Variants in AGPAT4 observed in about 807,000 individuals in gnomAD.
The protein encoded by AGPAT4 is 1-acyl-sn-glycerol-3-phosphate acyltransferase delta.
In AGPAT4, 15 loss-of-function variants were observed where a neutral mutation model predicts 48.0. That is an observed-to-expected ratio of 0.31 (90% CI 0.21 to 0.48). AGPAT4 has a LOEUF of 0.48. AGPAT4 is among the 20% of genes least tolerant of loss of function. The pLI, the probability that AGPAT4 is intolerant of heterozygous loss-of-function variation, is 0.99. For missense variants in AGPAT4, 314 were observed against 482.5 expected (o/e 0.65, Z 3.27); for synonymous variants, 178 against 198.7 (o/e 0.90, Z 0.88).
At position 161,155,503 on chromosome 6, in the gene AGPAT4, C is replaced by T. The variant is rs1042604404; in HGVS notation, c.349-1193G>A. 2.6e-5 allele frequency among the ~76,000 whole-genome samples: 4 copies of T among 152,118 alleles called. No homozygotes were observed. The highest frequency in any genetic ancestry group is 9.7e-5 in the African/African-American group (4 of 41,416). On this transcript the variant is annotated intron_variant, in intron 3 of 8. Coordinates refer to ENST00000320285, the MANE Select transcript of AGPAT4 (RefSeq NM_020133.3). The surrounding 1 kb of genome is among the most constrained non-coding windows in gnomAD (Gnocchi z 5.8). ...CAGCACAGGGTCAGTAAGCCGTGTC[C>T]CCCAACCTACTGGCAGAACAGAAAA...
rs1425655979 is a variant in AGPAT4, at chr6:161,189,900, C to A, written c.179-23483G>T. Among the ~76,000 whole-genome samples the A allele has an allele frequency of 6.6e-6, 1 of 152,238 alleles. No homozygotes were observed. Among genetic ancestry groups the A allele is most frequent in the Non-Finnish European group, 1.5e-5 (1 of 68,046 alleles). ...AATGCTCCGTTGGTTCACATTTTAA[C>A]ATGCTGAAATCAGGGTGTGTCTCAC... On this transcript the variant is annotated intron_variant, in intron 2 of 8. Transcript: ENST00000320285. The surrounding 1 kb of genome is among the most constrained non-coding windows in gnomAD (Gnocchi z 5.3).
intron 2 of AGPAT4, among the ~76,000 whole-genome samples, chr6:161,224,678 C>T (rs1025823414): frequency 2.0e-5 from 3 of 150,634 alleles, no homozygotes; most frequent in Non-Finnish European, 4.4e-5. Context: ...AACCAGACTG[C>T]AAGCTCTCTG....
rs1457928621 is a variant in AGPAT4 at position 161,221,343 on chromosome 6, G to A, written c.178+10693C>T. Among the ~76,000 whole-genome samples the A allele has an allele frequency of 3.9e-5, 6 of 152,274 alleles. No homozygotes were observed. In the East Asian group the frequency reaches 1.2e-3, roughly 29 times the overall value. Reference sequence around the variant, plus strand: ...AGCCAGCCGCACTTTACTCCTTTGAGTTCCTGGATTTAAGAGGTGGGAAAA... The same window carrying A: ...AGCCAGCCGCACTTTACTCCTTTGAATTCCTGGATTTAAGAGGTGGGAAAA... On this transcript the variant is annotated intron_variant, in intron 2 of 8. Transcript: ENST00000320285. The surrounding 1 kb of genome is among the most constrained non-coding windows in gnomAD (Gnocchi z 4.5).
In AGPAT4 at chr6:161,243,043, A is replaced by G. The variant is rs1469065062; in HGVS notation, c.-89-10741T>C. Among the ~76,000 whole-genome samples, 1 of 152,194 alleles carries G rather than the reference A, an allele frequency of 6.6e-6. No individual in the cohort carries two copies. Among genetic ancestry groups the G allele is most frequent in the African/African-American group, 2.4e-5 (1 of 41,444 alleles). ...GCGCCACTGCACTCCAGCTTGGGCG[A>G]CAGAGCCAGACTCTGTCTCAAAAAA... is the stretch of plus-strand genomic sequence containing the variant. On this transcript the variant is annotated intron_variant, in intron 1 of 8. Transcript: ENST00000320285. This position sits in a 1 kb window ranked among gnomAD's most constrained non-coding sequence, Gnocchi z 4.8.
In AGPAT4 at chr6:161,171,106, G is replaced by C. The variant is rs1034660716; in HGVS notation, c.179-4689C>G. Among the ~76,000 whole-genome samples the C allele has an allele frequency of 6.6e-6, 1 of 152,224 alleles. No individual in the cohort carries two copies. The highest frequency in any genetic ancestry group is 2.4e-5 in the African/African-American group (1 of 41,448). ...TCAGCAGGTGCTGCACAACAGAGAT[G>C]CTTGTGAGAAAGCAGGGCTTTCTGT... is the stretch of plus-strand genomic sequence containing the variant. On this transcript the variant is annotated intron_variant, in intron 2 of 8. Transcript: ENST00000320285. This position sits in a 1 kb window ranked among gnomAD's most constrained non-coding sequence, Gnocchi z 4.4.
chr6:161,247,040 C>G (rs1376272673), intron 1 of AGPAT4, among the ~76,000 whole-genome samples: 4 of 152,228 alleles, frequency 2.6e-5, no homozygotes, highest in Non-Finnish European at 5.9e-5. Context: ...ATGCTGTAAG[C>G]AGCCAAGTTG....
At position 161,130,953 on chromosome 6, in the gene AGPAT4, C is replaced by CT. The variant is rs1778882858; in HGVS notation, c.*5586dup. On this transcript the variant is annotated 3_prime_UTR_variant, in exon 9 of 9. Transcript: ENST00000320285. ...CCTAGAATGTTTGGCAAAGATCTGGCTAAAACTAGTACTATGGAATAGAAA... is the reference window on the plus strand; with the variant it reads ...CCTAGAATGTTTGGCAAAGATCTGGCTTAAAACTAGTACTATGGAATAGAAA... 3.9e-6 allele frequency: 2 copies of CT among 517,668 alleles called. No individual in the cohort carries two copies. The highest frequency in any genetic ancestry group is 2.8e-5 in the South Asian group (2 of 71,470). The allele number at this position is 517,668 out of a possible 1,614,324, so 32.1% of individuals were successfully genotyped here.
chr6:161,158,017 G>A lies in AGPAT4; in HGVS notation c.349-3707C>T, dbSNP rs573761565. On this transcript the variant is annotated intron_variant, in intron 3 of 8. Transcript: ENST00000320285. This position sits in a 1 kb window ranked among gnomAD's most constrained non-coding sequence, Gnocchi z 5.3. ...ACAAAGTTGAGACTCTGACATGGGC[G>A]TTCAATAACTTGTAGCTATTATTTT... 1.5e-4 allele frequency among the ~76,000 whole-genome samples: 23 copies of A among 152,294 alleles called. No homozygotes were observed. Among genetic ancestry groups the A allele is most frequent in the Admixed American group, 6.5e-4 (10 of 15,298 alleles).
In AGPAT4 at chr6:161,237,501, G is replaced by A. The variant is rs536289001; in HGVS notation, c.-89-5199C>T. On this transcript the variant is annotated intron_variant, in intron 1 of 8. Transcript: ENST00000320285. ...AGACAAAGGGGGTTAAATACATAGGGGATGTTGACTATAAGCCAACAGTGT... is the reference window on the plus strand; with the variant it reads ...AGACAAAGGGGGTTAAATACATAGGAGATGTTGACTATAAGCCAACAGTGT... 1.2e-4 allele frequency among the ~76,000 whole-genome samples: 18 copies of A among 152,274 alleles called. No individual in the cohort carries two copies. In the East Asian group the frequency reaches 3.1e-3, roughly 26 times the overall value.
rs146287123 is a variant in AGPAT4 at position 161,180,699 on chromosome 6, C to A, written c.179-14282G>T. Reference sequence around the variant, plus strand: ...AGTTTCTGGTGCCTGAATGTGGTGTCATTCTTCCCTGTAGCGGTGCTGGAG... The same window carrying A: ...AGTTTCTGGTGCCTGAATGTGGTGTAATTCTTCCCTGTAGCGGTGCTGGAG... On this transcript the variant is annotated intron_variant, in intron 2 of 8. Transcript: ENST00000320285. This position sits in a 1 kb window ranked among gnomAD's most constrained non-coding sequence, Gnocchi z 6.4. 3.7e-3 allele frequency among the ~76,000 whole-genome samples: 563 copies of A among 152,252 alleles called. 4 individuals are homozygous for A. Among genetic ancestry groups the A allele is most frequent in the Non-Finnish European group, 6.9e-3 (471 of 68,024 alleles).
chr6:161,237,765 C>T (rs909144028), intron 1 of AGPAT4, among the ~76,000 whole-genome samples: 2 of 151,962 alleles, frequency 1.3e-5, no homozygotes, highest in East Asian at 1.9e-4. Flanking sequence ...TTTTTTACGA[C>T]GAGAATGAAA....
In AGPAT4 at chr6:161,144,935, C is replaced by T. The variant is rs150720261; in HGVS notation, c.843+1589G>A. Among the ~76,000 whole-genome samples, 7,546 of 151,754 alleles carry T rather than the reference C, an allele frequency of 0.05. 227 individuals carry two copies. The highest frequency in any genetic ancestry group is 0.07 in the Non-Finnish European group (4,757 of 67,944). On this transcript the variant is annotated intron_variant, in intron 7 of 8. Coordinates refer to ENST00000320285, the MANE Select transcript of AGPAT4 (RefSeq NM_020133.3). The surrounding 1 kb of genome is among the most constrained non-coding windows in gnomAD (Gnocchi z 6.6). ...GGCAGAGCTTGCAGTGAGCCGAGAT[C>T]GCGCCACTGCACTCCAGCCTGGGAG...
At position 161,216,357 on chromosome 6, in the gene AGPAT4, G is replaced by A. The variant is rs1781647194; in HGVS notation, c.178+15679C>T. 6.6e-6 allele frequency among the ~76,000 whole-genome samples: 1 copy of A among 152,184 alleles called. No individual in the cohort carries two copies. The highest frequency in any genetic ancestry group is 2.1e-4 in the South Asian group (1 of 4,836). On this transcript the variant is annotated intron_variant, in intron 2 of 8. Coordinates refer to ENST00000320285, the MANE Select transcript of AGPAT4 (RefSeq NM_020133.3). This position sits in a 1 kb window ranked among gnomAD's most constrained non-coding sequence, Gnocchi z 4.8. ...CCTCAAGCAAACGTCTGCAACAAGT[G>A]CGTCTCTTGTCCAGGATGACAGACA...
chr6:161,262,268 T>C lies in AGPAT4; in HGVS notation c.-90+11670A>G, dbSNP rs12205125. Among the ~76,000 whole-genome samples the C allele has an allele frequency of 6.6e-6, 1 of 152,158 alleles. No individual in the cohort carries two copies. The highest frequency in any genetic ancestry group is 1.5e-5 in the Non-Finnish European group (1 of 68,022). ...GGGGCCCAGGAAGTCCTTTTTAAAA[T>C]GCTTCCTAGGTGATCCTCATGTGCA... On this transcript the variant is annotated intron_variant, in intron 1 of 8. Coordinates refer to ENST00000320285, the MANE Select transcript of AGPAT4 (RefSeq NM_020133.3). The surrounding 1 kb of genome is among the most constrained non-coding windows in gnomAD (Gnocchi z 4.9).
intron 2 of AGPAT4, among the ~76,000 whole-genome samples, chr6:161,170,418 T>G (rs1166837889): frequency 1.3e-5 from 2 of 151,910 alleles, no homozygotes; most frequent in Non-Finnish European, 2.9e-5. Flanking sequence ...GAAAATAGTC[T>G]TATAGTTTTT....
chr6:161,211,566 AG>A (rs1322376893), intron 2 of AGPAT4, among the ~76,000 whole-genome samples: 1 of 152,192 alleles, frequency 6.6e-6, no homozygotes, highest in Non-Finnish European at 1.5e-5. Context: ...AGGGACGTTC[AG>A]GACAAACTAG....
rs9456646 is a variant in AGPAT4 at position 161,251,580 on chromosome 6, G to C, written c.-89-19278C>G. On this transcript the variant is annotated intron_variant, in intron 1 of 8. Transcript: ENST00000320285. This position sits in a 1 kb window ranked among gnomAD's most constrained non-coding sequence, Gnocchi z 4.6. ...CTGCACAACGTTACCCTGCATTACA[G>C]ACCAGCCTGTCCGGCCGCTGGTTAA... Among the ~76,000 whole-genome samples, 1,048 of 152,270 alleles carry C rather than the reference G, an allele frequency of 6.9e-3. 14 individuals are homozygous for C. Among genetic ancestry groups the C allele is most frequent in the African/African-American group, 0.024 (1,011 of 41,552 alleles).
intron 2 of AGPAT4, among the ~76,000 whole-genome samples, chr6:161,230,219 ACT>A (rs1782088511): frequency 6.6e-6 from 1 of 152,160 alleles, no homozygotes; most frequent in Admixed American, 6.5e-5. Context: ...ACTCTTGTGG[ACT>A]CTGATTCCAA....
intron 2 of AGPAT4, among the ~76,000 whole-genome samples, chr6:161,172,345 A>G (rs1305974448): frequency 2.0e-5 from 3 of 152,220 alleles, no homozygotes. Flanking sequence ...CACTCAGGGC[A>G]GTGCCCACCA....
Sources: gnomAD v4.1 joint callset for allele counts (sites outside exome capture counted in the v4.1 genomes callset) on GRCh38, gnomAD v4.1.1 for gene constraint, Gnocchi (gnomAD v3.1) non-coding constraint, MANE v1.5 for transcripts, NCBI Gene and HGNC (gene_info 2026-07-23, HGNC 2026-07-21) for gene names.